Variants in EVA1A observed in about 807,000 individuals in gnomAD.
EVA1A encodes the protein eva-1 homolog A, regulator of programmed cell death.
Under a neutral mutation model 9.8 loss-of-function variants are expected in EVA1A, and 7 were observed. That is an observed-to-expected ratio of 0.71 (90% CI 0.41 to 1.34). The LOEUF is 1.34. EVA1A is among the 40% of genes most tolerant of loss of function. The pLI is 0.01. For synonymous variants in EVA1A, 90 were observed against 85.6 expected (o/e 1.05, Z -0.28); for missense variants, 206 against 205.9 (o/e 1.00, Z 0.00).
chr2:75,518,470 C>T (rs1014019357), intron 2 of EVA1A, among the ~76,000 whole-genome samples: 4 of 152,126 alleles, frequency 2.6e-5, no homozygotes, highest in Admixed American at 1.3e-4. Context: ...GAAAGACCAG[C>T]GAGCTCTCCC....
chr2:75,521,042 G>T (rs1675212245), intron 2 of EVA1A, among the ~76,000 whole-genome samples: 1 of 152,110 alleles, frequency 6.6e-6, no homozygotes, highest in African/African-American at 2.4e-5. Flanking sequence ...ATTTAAAAAT[G>T]GGCAACAGAC....
Position 75,512,789 on chromosome 2 carries a change from G to A in EVA1A, c.85+5267C>T, listed in dbSNP as rs1674860473. 2.0e-5 allele frequency among the ~76,000 whole-genome samples: 3 copies of A among 152,090 alleles called. No homozygotes were observed. In the South Asian group the frequency reaches 6.2e-4, roughly 31 times the overall value. On this transcript the variant is annotated intron_variant, in intron 3 of 3. Coordinates refer to ENST00000393913, the MANE Select transcript of EVA1A (RefSeq NM_001135032.2). ...GCAGGAGATTGTCCTGTGCATTGTA[G>A]GATGCTTCTCCACCCATTAGATGCC... is the stretch of plus-strand genomic sequence containing the variant.
At chr2:75,533,961 G>A (rs1355898065) in intron 1 of EVA1A, among the ~76,000 whole-genome samples, 10 of 151,662 alleles carry the variant, frequency 6.6e-5, no homozygotes, top group South Asian at 4.2e-4. Flanking sequence ...ACAGGCGCCC[G>A]CCACCACGCC....
chr2:75,552,716 G>A (rs1165317990), intron 1 of EVA1A, among the ~76,000 whole-genome samples: 2 of 152,176 alleles, frequency 1.3e-5, no homozygotes, highest in Non-Finnish European at 2.9e-5. Context: ...CCATAAGGGA[G>A]GAAGTAGAGT....
intron 3 of EVA1A, among the ~76,000 whole-genome samples, chr2:75,501,536 T>C (rs930691887): frequency 6.6e-6 from 1 of 152,216 alleles, no homozygotes; most frequent in African/African-American, 2.4e-5. Context: ...TTTGTACTGC[T>C]TAGTATGCCC....
chr2:75,497,299 C>A (rs749823569), intron 3 of EVA1A, among the ~76,000 whole-genome samples: 11 of 151,962 alleles, frequency 7.2e-5, no homozygotes, highest in Non-Finnish European at 1.6e-4. Context: ...CTGACAAAGT[C>A]CTAATATCTA....
At chr2:75,535,402 G>A (rs1032922837) in intron 1 of EVA1A, among the ~76,000 whole-genome samples, 6 of 150,556 alleles carry the variant, frequency 4.0e-5, no homozygotes, top group East Asian at 2.0e-4. Context: ...ATAACTAAAC[G>A]TAGATCTACC....
At chr2:75,557,184 G>T (rs923729903) in intron 1 of EVA1A, among the ~76,000 whole-genome samples, 2 of 152,198 alleles carry the variant, frequency 1.3e-5, no homozygotes, top group Non-Finnish European at 1.5e-5. Context: ...ACACAAATGT[G>T]CAGGTATTTG....
intron 3 of EVA1A, among the ~76,000 whole-genome samples, chr2:75,513,748 G>A (rs1388600014): frequency 2.6e-5 from 4 of 152,186 alleles, no homozygotes; most frequent in Non-Finnish European, 4.4e-5. Flanking sequence ...CATGGATAAA[G>A]CTGGAATATA....
chr2:75,507,662 C>A (rs1674663401), intron 3 of EVA1A, among the ~76,000 whole-genome samples: 1 of 152,164 alleles, frequency 6.6e-6, no homozygotes, highest in African/African-American at 2.4e-5. Flanking sequence ...ACATCAAAGC[C>A]CAAACTGTTC....
chr2:75,535,710 T>C (rs1675858257), intron 1 of EVA1A, among the ~76,000 whole-genome samples: 1 of 152,170 alleles, frequency 6.6e-6, no homozygotes, highest in South Asian at 2.1e-4. Context: ...ATGTGTTCTC[T>C]TACAAGTAGG....
chr2:75,568,714 G>A (rs1677072568), intron 1 of EVA1A, among the ~76,000 whole-genome samples: 1 of 152,142 alleles, frequency 6.6e-6, no homozygotes, highest in African/African-American at 2.4e-5. Flanking sequence ...TACAATATTT[G>A]GTTTTCCATT....
chr2:75,563,117 C>T (rs1435565992), upstream of EVA1A, among the ~76,000 whole-genome samples: 4 of 152,214 alleles, frequency 2.6e-5, no homozygotes, highest in African/African-American at 9.7e-5. Flanking sequence ...TGGGCTGTGT[C>T]TCACTTATAA....
intron 1 of EVA1A, among the ~76,000 whole-genome samples, chr2:75,553,224 A>T (rs1441647513): frequency 1.3e-5 from 2 of 151,920 alleles, no homozygotes; most frequent in Non-Finnish European, 2.9e-5. Context: ...GTTGTCTTGG[A>T]CTCACCTGCT....
At chr2:75,564,423 A>C (rs576057528), upstream of EVA1A, among the ~76,000 whole-genome samples, 3 of 152,224 alleles carry the variant, frequency 2.0e-5, no homozygotes, top group Admixed American at 1.3e-4. Flanking sequence ...TCTCAGTGTG[A>C]GCAGCCTTGC....
chr2:75,555,466 C>T (rs1049074034), intron 1 of EVA1A, among the ~76,000 whole-genome samples: 15 of 152,134 alleles, frequency 9.9e-5, no homozygotes, highest in Non-Finnish European at 1.9e-4. Context: ...GGAGGGGCCA[C>T]TCACATAGCT....
In EVA1A at chr2:75,503,673, G is replaced by A. The variant is rs78572205; in HGVS notation, c.86-10064C>T. On this transcript the variant is annotated intron_variant, in intron 3 of 3. Coordinates refer to ENST00000393913, the MANE Select transcript of EVA1A (RefSeq NM_001135032.2). ...GTAAAAGGCTTTTAAAATTGGTTTTGACAAATATTGCATGTTTTCATTTAA... is the reference window on the plus strand; with the variant it reads ...GTAAAAGGCTTTTAAAATTGGTTTTAACAAATATTGCATGTTTTCATTTAA... 8.3e-4 allele frequency among the ~76,000 whole-genome samples: 127 copies of A among 152,224 alleles called. 2 individuals are homozygous for A. The highest frequency in any genetic ancestry group is 2.9e-3 in the African/African-American group (122 of 41,534).
chr2:75,520,835 A>G (rs1401237385), intron 2 of EVA1A, among the ~76,000 whole-genome samples: 1 of 152,162 alleles, frequency 6.6e-6, no homozygotes, highest in African/African-American at 2.4e-5. Context: ...CAAAAGTAAA[A>G]AAAAAGAAAA....
intron 3 of EVA1A, among the ~76,000 whole-genome samples, chr2:75,499,307 C>A (rs904112897): frequency 6.6e-6 from 1 of 152,150 alleles, no homozygotes; most frequent in African/African-American, 2.4e-5. Flanking sequence ...ATGCAATAAA[C>A]ATAATTGGAA....
Sources: gnomAD v4.1 joint callset for allele counts (sites outside exome capture counted in the v4.1 genomes callset) on GRCh38, gnomAD v4.1.1 for gene constraint, MANE v1.5 for transcripts, NCBI Gene and HGNC (gene_info 2026-07-23, HGNC 2026-07-21) for gene names.